CAPS2: variants seen among roughly 807,000 people sequenced by gnomAD.
The protein encoded by CAPS2 is calcyphosine 2, also known as calcyphosin-2.
Under a neutral mutation model 86.5 loss-of-function variants are expected in CAPS2, and 98 were observed. The ratio of observed to expected loss-of-function variants is 1.13; its 90% CI spans 0.96 to 1.34. The LOEUF (loss-of-function observed/expected upper bound fraction) is 1.34. Ranked by LOEUF, CAPS2 falls within the 40% of genes most tolerant of loss-of-function variation. The probability of loss-of-function intolerance (pLI) is 0.00; values close to 1 mark genes in which losing one functional copy is unlikely to be tolerated. For missense variants in CAPS2, 729 were observed against 686.8 expected, an observed-to-expected ratio of 1.06 and a Z score of -0.69; for synonymous variants, 210 against 225.1, an observed-to-expected ratio of 0.93 and a Z score of 0.60.
intron 5 of CAPS2, among the ~76,000 whole-genome samples, chr12:75,320,117 G>T (rs1033053324): frequency 1.9e-4 from 29 of 151,956 alleles, no homozygotes; most frequent in African/African-American, 6.5e-4. Context: ...TTTTCCAGAA[G>T]AATTTATGTG....
chr12:75,317,679 T>C (rs951592484), intron 5 of CAPS2, among the ~76,000 whole-genome samples: 1 of 152,148 alleles, frequency 6.6e-6, no homozygotes, highest in Non-Finnish European at 1.5e-5. Context: ...TGTTAAAATA[T>C]TTAACTGACA....
At chr12:75,304,203 G>A (rs992791569) in intron 8 of CAPS2, among the ~76,000 whole-genome samples, 1 of 152,086 alleles carries the variant, frequency 6.6e-6, no homozygotes, top group Non-Finnish European at 1.5e-5. Context: ...AAAAAGATAA[G>A]AAAGTACTAA....
At chr12:75,305,663 C>A (rs1466934851) in intron 7 of CAPS2, 7 of 645,988 alleles carry the variant, frequency 1.1e-5, no homozygotes, top group Non-Finnish European at 2.1e-5. Flanking sequence ...CCACCAGGCC[C>A]CTAGCACTGC....
intron 1 of CAPS2, among the ~76,000 whole-genome samples, chr12:75,337,839 C>A (rs140881232): frequency 3.4e-4 from 52 of 151,878 alleles, no homozygotes; most frequent in African/African-American, 1.1e-3. Context: ...CGACTATTGT[C>A]TTCTTTGTCT....
At chr12:75,276,148 C>G, downstream of CAPS2, 1 of 1,491,380 alleles carries the variant, frequency 6.7e-7, no homozygotes, top group South Asian at 1.3e-5. Context: ...TTGCTCTTCT[C>G]TTGCTTGGCT....
intron 11 of CAPS2, among the ~76,000 whole-genome samples, chr12:75,296,768 A>G (rs2036966701): frequency 6.6e-6 from 1 of 151,282 alleles, no homozygotes; most frequent in African/African-American, 2.4e-5. Flanking sequence ...CACCACCACC[A>G]AAAAAAAAGA....
At chr12:75,359,761 C>T (rs1480254162) in intron 1 of CAPS2, 1 of 151,980 alleles carries the variant, frequency 6.6e-6, no homozygotes, top group East Asian at 1.9e-4. Context: ...ATAAATCATA[C>T]TGGAACAATT....
exon 6 of CAPS2, chr12:75,316,415 G>A: frequency 6.5e-7 from 1 of 1,549,464 alleles, no homozygotes; most frequent in Non-Finnish European, 8.7e-7. Flanking sequence ...ATCTGTGTTG[G>A]CTTCTTCATC....
At chr12:75,289,805 A>G (rs1278344298) in intron 13 of CAPS2, 30 bp from the exon 14 acceptor site, 1 of 1,545,272 alleles carries the variant, frequency 6.5e-7, no homozygotes, top group Non-Finnish European at 8.9e-7. Context: ...ATGAAAACAA[A>G]TTGTTCCTAT....
At chr12:75,278,910 G>A (rs148352401) in exon 17 of CAPS2, 167 of 1,587,806 alleles carry the variant, frequency 1.1e-4, no homozygotes, top group African/African-American at 3.7e-4. Context: ...CATGGAGTAC[G>A]TAAGATGTTA....
At chr12:75,291,993 G>A (rs1172033432) in intron 12 of CAPS2, among the ~76,000 whole-genome samples, 173 bp from the exon 13 acceptor site, 2 of 152,060 alleles carry the variant, frequency 1.3e-5, no homozygotes, top group Non-Finnish European at 2.9e-5. Context: ...TGCCTAAGAA[G>A]ATTAAACTGA....
At chr12:75,300,219 C>T (rs2037578202) in intron 8 of CAPS2, among the ~76,000 whole-genome samples, 2 of 152,050 alleles carry the variant, frequency 1.3e-5, no homozygotes, top group South Asian at 4.2e-4. Flanking sequence ...TATCTGAATG[C>T]CATTTCTAAC....
intron 1 of CAPS2, chr12:75,366,907 G>T (rs140600877): frequency 5.7e-6 from 4 of 701,752 alleles, no homozygotes; most frequent in African/African-American, 1.7e-5. Flanking sequence ...GCCACTGCAT[G>T]TCAAAAGGGG....
At chr12:75,390,732 T>C in intron 1 of CAPS2, 1 of 475,396 alleles carries the variant, frequency 2.1e-6, no homozygotes, top group South Asian at 1.6e-5. Context: ...AATTGGCATT[T>C]ACCATACAAA....
At chr12:75,277,951 C>T (rs1214122473) in exon 17 of CAPS2, 14 of 856,458 alleles carry the variant, frequency 1.6e-5, no homozygotes, top group Admixed American at 6.3e-5. Context: ...GTTTGTTATA[C>T]TAAAACAGAT....
chr12:75,360,088 G>A (rs1211758131), intron 1 of CAPS2: 1 of 152,078 alleles, frequency 6.6e-6, no homozygotes, highest in Non-Finnish European at 1.5e-5. Context: ...ACAGCATGGG[G>A]GAAACTGCCC....
At chr12:75,314,579 C>A (rs2039563156) in intron 6 of CAPS2, among the ~76,000 whole-genome samples, 1 of 151,954 alleles carries the variant, frequency 6.6e-6, no homozygotes, top group Non-Finnish European at 1.5e-5. Context: ...TTTAAAACAG[C>A]AATTAAAATG....
chr12:75,331,649 C>T (rs1408636540), upstream of CAPS2, among the ~76,000 whole-genome samples: 1 of 151,138 alleles, frequency 6.6e-6, no homozygotes, highest in African/African-American at 2.4e-5. Context: ...CTGCAAGCTC[C>T]GCCTCCCGGG....
At chr12:75,358,138 T>C (rs1251431191) in intron 1 of CAPS2, among the ~76,000 whole-genome samples, 1 of 150,964 alleles carries the variant, frequency 6.6e-6, no homozygotes, top group African/African-American at 2.4e-5. Flanking sequence ...TATGAGAACA[T>C]AGGTGATAAC....
Sources: gnomAD v4.1 joint callset for allele counts (sites outside exome capture counted in the v4.1 genomes callset) on GRCh38, gnomAD v4.1.1 for gene constraint, MANE v1.5 for transcripts, NCBI Gene and HGNC (gene_info 2026-07-23, HGNC 2026-07-21) for gene names.